CCDC73: variants seen among roughly 807,000 people sequenced by gnomAD.
The protein encoded by CCDC73 is coiled-coil domain containing 73.
A neutral mutation model predicts 116.5 loss-of-function variants in CCDC73; 95 were observed. The observed-to-expected ratio is 0.82, with a 90% CI of 0.69 to 0.97. The LOEUF is 0.97. Ranked by LOEUF, CCDC73 falls within the 50% of genes least tolerant of loss-of-function variation. The pLI, the probability that CCDC73 is intolerant of heterozygous loss-of-function variation, is 0.00. For missense variants in CCDC73, 1,066 were observed against 1,206.8 expected (o/e 0.88, Z 1.73); for synonymous variants, 398 against 401.3 (o/e 0.99, Z 0.10).
intron 9 of CCDC73, among the ~76,000 whole-genome samples, chr11:32,664,554 A>AT: frequency 6.6e-6 from 1 of 151,838 alleles, no homozygotes; most frequent in East Asian, 1.9e-4. Flanking sequence ...TATTGTGTCT[A>AT]TTTGATTCTT....
intron 14 of CCDC73, among the ~76,000 whole-genome samples, chr11:32,634,020 C>T (rs1411321699): frequency 1.3e-5 from 2 of 151,982 alleles, no homozygotes; most frequent in Non-Finnish European, 2.9e-5. Flanking sequence ...ATCTGAATAG[C>T]CCTGTAAATA....
At chr11:32,717,960 T>G (rs998217208) in intron 3 of CCDC73, 116 bp downstream of exon 3, 1 of 663,250 alleles carries the variant, frequency 1.5e-6, no homozygotes. Flanking sequence ...ATGGGGAAAC[T>G]GCCCAAATGA....
intron 14 of CCDC73, among the ~76,000 whole-genome samples, chr11:32,617,780 T>C (rs1486840635): frequency 6.6e-6 from 1 of 152,240 alleles, no homozygotes; most frequent in African/African-American, 2.4e-5. Flanking sequence ...GACGAAAATA[T>C]CATGAGTTCA....
the CCDC73 span, among the ~76,000 whole-genome samples, chr11:32,829,385 A>G: frequency 6.6e-6 from 1 of 152,328 alleles, no homozygotes; most frequent in South Asian, 2.1e-4. Context: ...CTATAATGGA[A>G]ATAGTTTTGC....
At chr11:32,774,528 C>T (rs1180229479) in intron 1 of CCDC73, among the ~76,000 whole-genome samples, 1 of 152,038 alleles carries the variant, frequency 6.6e-6, no homozygotes, top group African/African-American at 2.4e-5. Flanking sequence ...AACTCTAGTG[C>T]ATAGGACACC....
At chr11:32,657,031 T>C (rs12276711) in intron 9 of CCDC73, among the ~76,000 whole-genome samples, 1,576 of 152,176 alleles carry the variant, frequency 0.01, 26 homozygotes, top group African/African-American at 0.036. Flanking sequence ...TATTAGAGGA[T>C]AGAAAATGGA....
chr11:32,634,810 G>T (rs1468701244), intron 14 of CCDC73, among the ~76,000 whole-genome samples: 1 of 152,018 alleles, frequency 6.6e-6, no homozygotes, highest in Non-Finnish European at 1.5e-5. Context: ...TAAAAATGAG[G>T]TCAATATACA....
chr11:32,829,764 C>A, the CCDC73 span: 1 of 985,066 alleles, frequency 1.0e-6, no homozygotes, highest in East Asian at 1.1e-4. Context: ...TGGCGGCAGG[C>A]GGCTGGCCCG....
intron 7 of CCDC73, chr11:32,680,984 C>T (rs962744802): frequency 6.6e-6 from 1 of 151,872 alleles, no homozygotes; most frequent in East Asian, 1.9e-4. Flanking sequence ...TATGTGTGTA[C>T]ATATATACAT....
chr11:32,665,445 T>C (rs1855971546), intron 9 of CCDC73, among the ~76,000 whole-genome samples: 1 of 152,214 alleles, frequency 6.6e-6, no homozygotes, highest in Non-Finnish European at 1.5e-5. Flanking sequence ...TCTTTGTTGG[T>C]TTAAAGTCTG....
intron 2 of CCDC73, among the ~76,000 whole-genome samples, chr11:32,732,375 C>T (rs1352925829): frequency 3.3e-5 from 5 of 152,108 alleles, no homozygotes; most frequent in Non-Finnish European, 2.9e-5. Flanking sequence ...CTTCCCCAAC[C>T]TACCAAGGCA....
intron 1 of CCDC73, among the ~76,000 whole-genome samples, chr11:32,767,101 T>C (rs1037007637): frequency 2.0e-5 from 3 of 152,296 alleles, no homozygotes; most frequent in East Asian, 1.9e-4. Flanking sequence ...CAAAACAGCA[T>C]GGTACTGGTA....
At chr11:32,798,451 G>C (rs1217147760), upstream of CCDC73, among the ~76,000 whole-genome samples, 2 of 152,188 alleles carry the variant, frequency 1.3e-5, no homozygotes, top group East Asian at 3.9e-4. Context: ...GGGACCACAG[G>C]CGCACGCCAC....
At chr11:32,712,538 C>T (rs1849909000) in intron 3 of CCDC73, among the ~76,000 whole-genome samples, 1 of 149,272 alleles carries the variant, frequency 6.7e-6, no homozygotes, top group South Asian at 2.1e-4. Flanking sequence ...CCCATATATA[C>T]AATATTTATT....
intron 9 of CCDC73, among the ~76,000 whole-genome samples, chr11:32,668,700 C>T (rs1411824124): frequency 6.6e-6 from 1 of 152,146 alleles, no homozygotes; most frequent in Non-Finnish European, 1.5e-5. Context: ...TTACTCCATT[C>T]AAGGTAACAA....
In CCDC73 at chr11:32,784,394, C is replaced by T. The variant is rs571587402; in HGVS notation, c.-16+10219G>A. ...CCAAGGTGGTAAGGAAAAATAATCA[C>T]AGAATATTACAATAGTTCAGCTGTG... On this transcript the variant is annotated intron_variant, in intron 1 of 17. Transcript: ENST00000335185. Among the ~76,000 whole-genome samples, 14 of 151,726 alleles carry T rather than the reference C, an allele frequency of 9.2e-5. No homozygotes were observed. The South Asian group carries it at 2.7e-3, about 29-fold the overall frequency.
At chr11:32,822,956 G>A in the CCDC73 span, among the ~76,000 whole-genome samples, 2 of 152,072 alleles carry the variant, frequency 1.3e-5, no homozygotes, top group Non-Finnish European at 2.9e-5. Context: ...ATAAAGAAAA[G>A]ACATTGTTCT....
At chr11:32,786,803 T>C (rs927816280) in intron 1 of CCDC73, among the ~76,000 whole-genome samples, 1 of 152,108 alleles carries the variant, frequency 6.6e-6, no homozygotes, top group South Asian at 2.1e-4. Flanking sequence ...TAACACAGAA[T>C]GGACAAATTA....
chr11:32,829,703 C>G, the CCDC73 span: 1 of 890,290 alleles, frequency 1.1e-6, no homozygotes, highest in African/African-American at 1.8e-5. Flanking sequence ...ACGCCGAGTG[C>G]AGACACAAAT....
Sources: allele counts gnomAD v4.1 joint callset (sites outside exome capture counted in the v4.1 genomes callset), GRCh38; gene constraint gnomAD v4.1.1; transcripts MANE v1.5; gene names NCBI Gene and HGNC (gene_info 2026-07-23, HGNC 2026-07-21).